ACOX3: variants seen among roughly 807,000 people sequenced by gnomAD.
ACOX3 encodes the protein acyl-CoA oxidase 3, pristanoyl, also known as peroxisomal acyl-coenzyme A oxidase 3.
ACOX3 carries 73 observed loss-of-function variants against 81.5 expected under a neutral mutation model. The ratio of observed to expected loss-of-function variants is 0.90; its 90% confidence interval spans 0.74 to 1.09. ACOX3 has a LOEUF of 1.09. Ranked by LOEUF, ACOX3 falls within the 50% of genes least tolerant of loss-of-function variation. The pLI, the probability that ACOX3 is intolerant of heterozygous loss-of-function variation, is 0.00. For missense variants in ACOX3, 947 were observed against 928.0 expected (o/e 1.02, Z -0.27); for synonymous variants, 387 against 375.1 (o/e 1.03, Z -0.37).
chr4:8,398,450 T>C (rs998714124), intron 8 of ACOX3, among the ~76,000 whole-genome samples: 1 of 152,076 alleles, frequency 6.6e-6, no homozygotes, highest in Non-Finnish European at 1.5e-5. Flanking sequence ...TTTAGAGACA[T>C]TTCTCTCCTT....
At chr4:8,398,660 G>A (rs1719996443) in intron 8 of ACOX3, among the ~76,000 whole-genome samples, 1 of 152,096 alleles carries the variant, frequency 6.6e-6, no homozygotes, top group African/African-American at 2.4e-5. Flanking sequence ...ATTTTTAGTA[G>A]AGACGGGGTT....
Position 8,432,782 on chromosome 4 carries a change from C to T in ACOX3, c.-15+7866G>A, listed in dbSNP as rs138499189. Among the ~76,000 whole-genome samples, 20 of 152,304 alleles carry T rather than the reference C, an allele frequency of 1.3e-4. No homozygotes were observed. The highest frequency in any genetic ancestry group is 2.2e-4 in the African/African-American group (9 of 41,576). On this transcript the variant is annotated intron_variant, in intron 1 of 17. Coordinates refer to ENST00000356406, the MANE Select transcript of ACOX3 (RefSeq NM_003501.3). This position sits in a 1 kb window ranked among gnomAD's most constrained non-coding sequence, Gnocchi z 6.2. ...TTCCACCCAGCTTCCAGCACTTAGACGCTGACAACTCAGAATGGAGGGGCT... is the reference window on the plus strand; with the variant it reads ...TTCCACCCAGCTTCCAGCACTTAGATGCTGACAACTCAGAATGGAGGGGCT...
chr4:8,413,768 G>C (rs1051479570), intron 5 of ACOX3, among the ~76,000 whole-genome samples: 1 of 152,184 alleles, frequency 6.6e-6, no homozygotes, highest in Non-Finnish European at 1.5e-5. Flanking sequence ...CACCACACCA[G>C]AACTCCCAGG....
downstream of ACOX3, among the ~76,000 whole-genome samples, chr4:8,362,520 T>C (rs1715248952): frequency 6.6e-6 from 1 of 152,252 alleles, no homozygotes; most frequent in African/African-American, 2.4e-5. Flanking sequence ...CTGATTTCTT[T>C]TGTAACAGGA....
intron 7 of ACOX3, among the ~76,000 whole-genome samples, chr4:8,401,984 G>A (rs562567196): frequency 2.6e-5 from 4 of 152,188 alleles, no homozygotes; most frequent in Non-Finnish European, 4.4e-5. Context: ...GCAGTCTCCC[G>A]GGGCTCACCC....
intron 1 of ACOX3, among the ~76,000 whole-genome samples, chr4:8,435,838 C>A (rs1226148624): frequency 1.3e-5 from 2 of 152,170 alleles, no homozygotes; most frequent in Non-Finnish European, 2.9e-5. Context: ...ATTCTTTCTC[C>A]ATATGGCCCA....
In ACOX3 at chr4:8,374,982, G is replaced by A. The variant is rs754254674; in HGVS notation, c.1824C>T (p.Tyr608=). ...WSLSRHAALL[Y]RGGYFSGEQA... is the part of the protein sequence containing the mutation. ...GCCCGCAGTCAGAAGCCTCACCTCG[G>A]TAGAGCAGGGCCGCGTGGCGGCTCA... The change falls in exon 15 of 18, where the codon TAC becomes TAT. Residue 608 remains tyrosine, a synonymous_variant. Coordinates refer to ENST00000356406, the MANE Select transcript of ACOX3 (RefSeq NM_003501.3). The A allele has an allele frequency of 2.6e-6, 4 of 1,518,838 alleles. No homozygotes were observed. The highest frequency in any genetic ancestry group is 1.7e-4 in the Middle Eastern group (1 of 5,864). The allele number at this position is 1,518,838 out of a possible 1,614,324, so 94.1% of individuals were successfully genotyped here.
the ACOX3 span, among the ~76,000 whole-genome samples, chr4:8,361,116 G>A: frequency 5.9e-5 from 9 of 152,202 alleles, 1 homozygote; most frequent in African/African-American, 2.2e-4. Context: ...TTCTTACCTA[G>A]ATTAAAGAGT....
At position 8,368,377 on chromosome 4, in the gene ACOX3, G is replaced by A. The variant is rs147290762; in HGVS notation, c.1984-1297C>T. 7.9e-5 allele frequency among the ~76,000 whole-genome samples: 12 copies of A among 152,360 alleles called. No homozygotes were observed. Among genetic ancestry groups the A allele is most frequent in the East Asian group, 1.9e-4 (1 of 5,192 alleles). ...GGGCAGCTGAGCAGACACTTCACCC[G>A]TGCAGGGTGGAAAGGGGCAGCCCAG... On this transcript the variant is annotated intron_variant, in intron 17 of 17. Transcript: ENST00000356406. This position sits in a 1 kb window ranked among gnomAD's most constrained non-coding sequence, Gnocchi z 5.9.
rs1482997729 is a variant in ACOX3 at position 8,370,529 on chromosome 4, A to G, written c.1983+379T>C. Among the ~76,000 whole-genome samples, 2 of 128,388 alleles carry G rather than the reference A, an allele frequency of 1.6e-5. No individual in the cohort carries two copies. Among genetic ancestry groups the G allele is most frequent in the Admixed American group, 7.3e-5 (1 of 13,640 alleles). 84.2% of individuals were successfully genotyped at this position (128,388 alleles called of 152,430 possible). A position where few individuals can be genotyped will look rare whatever the true frequency, so the allele number is the denominator to read the frequency against. ...GGGGATTCCAGGACAGGGATGGGGG[A>G]AGAGGCCTGCAGGGCCAGGAGCATG... is the stretch of plus-strand genomic sequence containing the variant. On this transcript the variant is annotated intron_variant, in intron 17 of 17. Coordinates refer to ENST00000356406, the MANE Select transcript of ACOX3 (RefSeq NM_003501.3). This position sits in a 1 kb window ranked among gnomAD's most constrained non-coding sequence, Gnocchi z 6.3.
chr4:8,370,111 C>T lies in ACOX3; in HGVS notation c.1983+797G>A, dbSNP rs1715986495. On this transcript the variant is annotated intron_variant, in intron 17 of 17. Transcript: ENST00000356406. The surrounding 1 kb of genome is among the most constrained non-coding windows in gnomAD (Gnocchi z 6.3). ...AGCTGGAGGCCAGAGAAGGCCTCTCCAAGGCAGCAATAGTCAGCTTATACT... is the reference window on the plus strand; with the variant it reads ...AGCTGGAGGCCAGAGAAGGCCTCTCTAAGGCAGCAATAGTCAGCTTATACT... 6.6e-6 allele frequency among the ~76,000 whole-genome samples: 1 copy of T among 152,194 alleles called. No homozygotes were observed. The highest frequency in any genetic ancestry group is 2.4e-5 in the African/African-American group (1 of 41,450).
At position 8,386,980 on chromosome 4, in the gene ACOX3, C is replaced by A. The variant is rs1003078196; in HGVS notation, c.1537+2193G>T. 2.0e-5 allele frequency among the ~76,000 whole-genome samples: 3 copies of A among 152,226 alleles called. No individual in the cohort carries two copies. Among genetic ancestry groups the A allele is most frequent in the Non-Finnish European group, 4.4e-5 (3 of 68,046 alleles). ...GTGCCTGTCCCCTGCATGAGGGAGG[C>A]CAGTGCTCCCTCCTCCCGAGGATCC... is the stretch of plus-strand genomic sequence containing the variant. On this transcript the variant is annotated intron_variant, in intron 13 of 17. Coordinates refer to ENST00000356406, the MANE Select transcript of ACOX3 (RefSeq NM_003501.3). This position sits in a 1 kb window ranked among gnomAD's most constrained non-coding sequence, Gnocchi z 5.2.
chr4:8,405,829 C>T lies in ACOX3; in HGVS notation c.776+126G>A. The T allele has an allele frequency of 1.0e-6, 1 of 976,982 alleles. No individual in the cohort carries two copies. Among genetic ancestry groups the T allele is most frequent in the Non-Finnish European group, 1.6e-6 (1 of 618,978 alleles). The allele number at this position is 976,982 out of a possible 1,614,324, so 60.5% of individuals were successfully genotyped here. ...ATGCACGGGGGCTAGGCGTAGGTCC[C>T]CACCGCATTTGAGTCTAAGAGGGCA... On this transcript the variant is annotated intron_variant, in intron 7 of 17. Coordinates refer to ENST00000356406, the MANE Select transcript of ACOX3 (RefSeq NM_003501.3). The surrounding 1 kb of genome is among the most constrained non-coding windows in gnomAD (Gnocchi z 7.1).
chr4:8,397,098 C>T lies in ACOX3; in HGVS notation c.895G>A (p.Ala299Thr), dbSNP rs1449481817. Residue 299 changes from alanine to threonine, a missense_variant, in exon 9 of 18, where the codon GCG (alanine) becomes ACG (threonine). Coordinates refer to ENST00000356406, the MANE Select transcript of ACOX3 (RefSeq NM_003501.3). ...PFKDVRQRFGASLGSLSSGRV... is the reference protein window; with the variant it reads ...PFKDVRQRFGTSLGSLSSGRV... ...CCCGAGGACAGGCTCCCCAGGGACG[C>T]TCCAAAGCGCTGCCTGACGTCCTAC... 2 of 1,564,922 alleles carry T rather than the reference C, an allele frequency of 1.3e-6. No individual in the cohort carries two copies. The highest frequency in any genetic ancestry group is 1.7e-6 in the Non-Finnish European group (2 of 1,159,226).
At chr4:8,371,457 A>T (rs1716186292) in intron 16 of ACOX3, among the ~76,000 whole-genome samples, 1 of 152,226 alleles carries the variant, frequency 6.6e-6, no homozygotes, top group African/African-American at 2.4e-5. Flanking sequence ...TTACTCTCCC[A>T]TTCCACTGGA....
At chr4:8,367,584 CT>C (rs923195832) in intron 17 of ACOX3, among the ~76,000 whole-genome samples, 70 of 151,106 alleles carry the variant, frequency 4.6e-4, no homozygotes, top group African/African-American at 1.5e-3. Flanking sequence ...TGAATATTTT[CT>C]TTTTTTTTCT....
At chr4:8,418,765 C>T (rs908979226) in intron 1 of ACOX3, among the ~76,000 whole-genome samples, 7 of 152,130 alleles carry the variant, frequency 4.6e-5, no homozygotes, top group Admixed American at 3.3e-4. Context: ...GAGGCTGAGG[C>T]AGGAGAATCG....
In ACOX3 at chr4:8,394,156, A is replaced by G. The variant is rs796418851; in HGVS notation, c.1179+464T>C. ...GGAAAATCAGTTCATAATCATCTAC[A>G]AAGAAATCCGTTCCCGATGTCTCTT... On this transcript the variant is annotated intron_variant, in intron 10 of 17. Coordinates refer to ENST00000356406, the MANE Select transcript of ACOX3 (RefSeq NM_003501.3). This position sits in a 1 kb window ranked among gnomAD's most constrained non-coding sequence, Gnocchi z 5.9. Among the ~76,000 whole-genome samples, 6 of 152,198 alleles carry G rather than the reference A, an allele frequency of 3.9e-5. No individual in the cohort carries two copies. The highest frequency in any genetic ancestry group is 9.7e-5 in the African/African-American group (4 of 41,432).
Position 8,406,509 on chromosome 4 carries a change from T to A in ACOX3, c.688-466A>T, listed in dbSNP as rs1221480093. Reference sequence around the variant, plus strand: ...AGAGATAAAAGAAAAGACGGCTGGGTCCGGGGGACCACTACCACCAAGACA... The same window carrying A: ...AGAGATAAAAGAAAAGACGGCTGGGACCGGGGGACCACTACCACCAAGACA... On this transcript the variant is annotated intron_variant, in intron 6 of 17. Coordinates refer to ENST00000356406, the MANE Select transcript of ACOX3 (RefSeq NM_003501.3). This position sits in a 1 kb window ranked among gnomAD's most constrained non-coding sequence, Gnocchi z 5.6. 1.3e-5 allele frequency among the ~76,000 whole-genome samples: 2 copies of A among 148,746 alleles called. No homozygotes were observed. The highest frequency in any genetic ancestry group is 3.0e-5 in the Non-Finnish European group (2 of 66,984).
Sources: gnomAD v4.1 joint callset for allele counts (sites outside exome capture counted in the v4.1 genomes callset) on GRCh38, gnomAD v4.1.1 for gene constraint, Gnocchi (gnomAD v3.1) non-coding constraint, MANE v1.5 for transcripts, NCBI Gene and HGNC (gene_info 2026-07-23, HGNC 2026-07-21) for gene names.